KIF13A: variants seen among roughly 807,000 people sequenced by gnomAD.
KIF13A encodes the protein kinesin-like protein KIF13A.
In KIF13A, 79 loss-of-function variants were observed where a neutral mutation model predicts 212.2. That is an observed-to-expected ratio of 0.37 (90% CI 0.31 to 0.45). KIF13A has a LOEUF of 0.45. KIF13A is among the 20% of genes least tolerant of loss of function. The pLI, the probability that KIF13A is intolerant of heterozygous loss-of-function variation, is 1.00. For missense variants in KIF13A, 1,901 were observed against 2,209.0 expected, an observed-to-expected ratio of 0.86 and a Z score of 2.79; for synonymous variants, 789 against 808.6, an observed-to-expected ratio of 0.98 and a Z score of 0.41.
At chr6:17,865,176 C>G (rs562423463) in intron 4 of KIF13A, among the ~76,000 whole-genome samples, 2 of 152,144 alleles carry the variant, frequency 1.3e-5, no homozygotes, top group Non-Finnish European at 2.9e-5. Context: ...CTGGCATATG[C>G]ACAGAGTATT....
rs1057461443 is a variant in KIF13A, at chr6:17,785,082, A to C, written c.3488+433T>G. On this transcript the variant is annotated intron_variant, in intron 28 of 38. Transcript: ENST00000259711. The surrounding 1 kb of genome is among the most constrained non-coding windows in gnomAD (Gnocchi z 5.8). ...TGAATGGGTATGAAAGGTGTTTTAT[A>C]CACATTACAATATACAAGATAGTAT... Among the ~76,000 whole-genome samples, 1 of 152,206 alleles carries C rather than the reference A, an allele frequency of 6.6e-6. No homozygotes were observed. Among genetic ancestry groups the C allele is most frequent in the Non-Finnish European group, 1.5e-5 (1 of 68,042 alleles).
At chr6:17,821,588 TTGG>T (rs1764450856) in intron 16 of KIF13A, among the ~76,000 whole-genome samples, 4 of 146,408 alleles carry the variant, frequency 2.7e-5, no homozygotes, top group East Asian at 2.0e-4. Flanking sequence ...TGTGTGTGTG[TTGG>T]GGGTGGGGTG....
At chr6:17,920,195 G>A (rs1774930504) in intron 2 of KIF13A, among the ~76,000 whole-genome samples, 1 of 152,110 alleles carries the variant, frequency 6.6e-6, no homozygotes. Flanking sequence ...ATGAAAAGGT[G>A]CAACTGGGTA....
At chr6:17,830,374 GT>G (rs1459903220) in intron 13 of KIF13A, among the ~76,000 whole-genome samples, 1 of 152,190 alleles carries the variant, frequency 6.6e-6, no homozygotes, top group East Asian at 1.9e-4. Context: ...TATGTTTGTA[GT>G]TTAAAATGTT....
intron 38 of KIF13A, chr6:17,770,818 AT>A: frequency 1.1e-6 from 1 of 914,428 alleles, no homozygotes; most frequent in Non-Finnish European, 1.4e-6. Context: ...CATTAGAAAG[AT>A]TTTGGTATTA....
chr6:17,799,921 T>C lies in KIF13A; in HGVS notation c.2616+31A>G. ...AATGGTTTTGCATGAAAAAGGTCAT[T>C]TATATGAGCCTCCCATCACTGTCCT... is the stretch of plus-strand genomic sequence containing the variant. On this transcript the variant is annotated intron_variant, in intron 21 of 38. Transcript: ENST00000259711. The surrounding 1 kb of genome is among the most constrained non-coding windows in gnomAD (Gnocchi z 4.4). 1 of 1,592,692 alleles carries C rather than the reference T, an allele frequency of 6.3e-7. No homozygotes were observed. The highest frequency in any genetic ancestry group is 1.4e-5 in the African/African-American group (1 of 73,994).
At position 17,951,370 on chromosome 6, in the gene KIF13A, A is replaced by G. The variant is rs1385697816; in HGVS notation, c.146+35684T>C. 2 of 640,954 alleles carry G rather than the reference A, an allele frequency of 3.1e-6. No homozygotes were observed. Among genetic ancestry groups the G allele is most frequent in the South Asian group, 1.7e-5 (1 of 59,558 alleles). The allele number at this position is 640,954 out of a possible 1,614,324, so 39.7% of individuals were successfully genotyped here. ...GGTCTTGAAATCCTCGGCTCAAGTG[A>G]TCCTCTTGCCTTGGCCTCCCAAAGT... is the stretch of plus-strand genomic sequence containing the variant. On this transcript the variant is annotated intron_variant, in intron 2 of 38. Transcript: ENST00000259711. This position sits in a 1 kb window ranked among gnomAD's most constrained non-coding sequence, Gnocchi z 4.9.
Position 17,856,424 on chromosome 6 carries a change from G to A in KIF13A, c.221-302C>T, listed in dbSNP as rs946565975. Among the ~76,000 whole-genome samples the A allele has an allele frequency of 3.3e-5, 5 of 152,262 alleles. No individual in the cohort carries two copies. Among genetic ancestry groups the A allele is most frequent in the African/African-American group, 9.6e-5 (4 of 41,530 alleles). ...TTCAAATTTGGTTGTTTTTTCTTAT[G>A]ACTAATATCTACAATGTCATTAAAC... On this transcript the variant is annotated intron_variant, in intron 4 of 38. Transcript: ENST00000259711. The surrounding 1 kb of genome is among the most constrained non-coding windows in gnomAD (Gnocchi z 4.5).
chr6:17,907,997 T>C (rs995997646), intron 2 of KIF13A, among the ~76,000 whole-genome samples: 4 of 152,176 alleles, frequency 2.6e-5, no homozygotes, highest in African/African-American at 9.7e-5. Flanking sequence ...GGTGAGCCTC[T>C]GCCTGGCACC....
intron 2 of KIF13A, among the ~76,000 whole-genome samples, chr6:17,980,841 AT>A (rs1450607310): frequency 6.6e-6 from 1 of 152,182 alleles, no homozygotes; most frequent in East Asian, 1.9e-4. Context: ...TATTGGGAAA[AT>A]AGGGAGCAGG....
At chr6:17,802,923 G>GTTT (rs57190220) in intron 20 of KIF13A, among the ~76,000 whole-genome samples, 85 of 135,678 alleles carry the variant, frequency 6.3e-4, no homozygotes, top group African/African-American at 2.0e-3. Context: ...ATTTTTTTGT[G>GTTT]TTTTTTTTGT....
In KIF13A at chr6:17,834,107, A is replaced by G; in HGVS notation, c.1156-36T>C. ...AAATCAGAGATATCTGATGTTCAAA[A>G]TTTTTCCACCATCATATACAAGACA... On this transcript the variant is annotated intron_variant, in intron 11 of 38. Transcript: ENST00000259711. The surrounding 1 kb of genome is among the most constrained non-coding windows in gnomAD (Gnocchi z 4.0). The G allele has an allele frequency of 1.5e-6, 2 of 1,361,866 alleles. No homozygotes were observed. Among genetic ancestry groups the G allele is most frequent in the Non-Finnish European group, 2.0e-6 (2 of 993,818 alleles). The allele number at this position is 1,361,866 out of a possible 1,614,324, so 84.4% of individuals were successfully genotyped here.
At chr6:17,932,297 T>C in intron 2 of KIF13A, among the ~76,000 whole-genome samples, 1 of 152,240 alleles carries the variant, frequency 6.6e-6, no homozygotes, top group Non-Finnish European at 1.5e-5. Flanking sequence ...CTGTATTGTA[T>C]GCCCGAATGC....
In KIF13A at chr6:17,777,421, TTG is replaced by T; in HGVS notation, c.4093-69_4093-68del. Reference sequence around the variant, plus strand: ...TCCCCAGAGACAGAGTCTCACTCTGTTGCCCAGGCTGGAGTGTAGTGATGCGA... The same window carrying T: ...TCCCCAGAGACAGAGTCTCACTCTGTCCCAGGCTGGAGTGTAGTGATGCGA... On this transcript the variant is annotated intron_variant, in intron 33 of 38. Transcript: ENST00000259711. The surrounding 1 kb of genome is among the most constrained non-coding windows in gnomAD (Gnocchi z 4.4). The T allele has an allele frequency of 1.5e-6, 2 of 1,327,854 alleles. No homozygotes were observed. Among genetic ancestry groups the T allele is most frequent in the Non-Finnish European group, 2.1e-6 (2 of 943,582 alleles). 82.3% of individuals were successfully genotyped at this position (1,327,854 alleles called of 1,614,324 possible).
Position 17,764,437 on chromosome 6 carries a change from G to C in KIF13A, c.5091C>G (p.Gly1697=). 6.2e-7 allele frequency: 1 copy of C among 1,614,018 alleles called. No individual in the cohort carries two copies. The highest frequency in any genetic ancestry group is 1.3e-5 in the African/African-American group (1 of 75,046). The part of the protein sequence containing the change: ...EKNSKSLCRT[G]SCSELDACPS... ...GGCAGGCATCTAGTTCTGAACATGA[G>C]CCAGTCCTGCACAGTGATTTGGAGT... The change falls in exon 39 of 39, where the codon GGC becomes GGG. Residue 1697 remains glycine, a synonymous_variant. Transcript: ENST00000259711. This position sits in a 1 kb window ranked among gnomAD's most constrained non-coding sequence, Gnocchi z 5.1.
At chr6:17,774,859 C>T (rs1759804028) in intron 35 of KIF13A, among the ~76,000 whole-genome samples, 156 bp downstream of exon 35, 1 of 150,864 alleles carries the variant, frequency 6.6e-6, no homozygotes, top group African/African-American at 2.4e-5. Context: ...TATTTGCTTA[C>T]AATTAAGATG....
At chr6:17,977,089 G>A (rs1349338566) in intron 2 of KIF13A, among the ~76,000 whole-genome samples, 3 of 142,480 alleles carry the variant, frequency 2.1e-5, no homozygotes, top group Non-Finnish European at 4.5e-5. Context: ...GAAACAGAGC[G>A]AGACTCCGTC....
At position 17,776,044 on chromosome 6, in the gene KIF13A, A is replaced by G. The variant is rs1248779188; in HGVS notation, c.4171-982T>C. Among the ~76,000 whole-genome samples the G allele has an allele frequency of 6.6e-6, 1 of 151,908 alleles. No homozygotes were observed. Among genetic ancestry groups the G allele is most frequent in the Admixed American group, 6.6e-5 (1 of 15,246 alleles). ...CAGGCACCTGCCACGATGCCCAGCTAATTTTGTATTTTTAGTAGAGACCGG... is the reference window on the plus strand; with the variant it reads ...CAGGCACCTGCCACGATGCCCAGCTGATTTTGTATTTTTAGTAGAGACCGG... On this transcript the variant is annotated intron_variant, in intron 34 of 38. Coordinates refer to ENST00000259711, the MANE Select transcript of KIF13A (RefSeq NM_022113.6). This position sits in a 1 kb window ranked among gnomAD's most constrained non-coding sequence, Gnocchi z 4.6.
At position 17,850,104 on chromosome 6, in the gene KIF13A, G is replaced by A. The variant is rs2150398536; in HGVS notation, c.717+219C>T. 6.6e-6 allele frequency among the ~76,000 whole-genome samples: 1 copy of A among 152,252 alleles called. No homozygotes were observed. The highest frequency in any genetic ancestry group is 1.5e-5 in the Non-Finnish European group (1 of 68,022). On this transcript the variant is annotated intron_variant, in intron 8 of 38. Transcript: ENST00000259711. This position sits in a 1 kb window ranked among gnomAD's most constrained non-coding sequence, Gnocchi z 6.2. ...AGACTCCCAAAATGCTGGAATTACA[G>A]GCAGGAGCCACTGCACCAGGCCAAA...
Sources: allele counts gnomAD v4.1 joint callset (sites outside exome capture counted in the v4.1 genomes callset), GRCh38; gene constraint gnomAD v4.1.1; non-coding constraint Gnocchi (gnomAD v3.1); transcripts MANE v1.5; gene names NCBI Gene and HGNC (gene_info 2026-07-23, HGNC 2026-07-21).